CSMD1: variants seen among roughly 807,000 people sequenced by gnomAD.
CSMD1 encodes CUB and Sushi multiple domains 1, also known as CUB and sushi domain-containing protein 1.
A neutral mutation model predicts 417.5 loss-of-function variants in CSMD1; 213 were observed. The observed-to-expected ratio is 0.51, with a 90% CI of 0.46 to 0.57. The LOEUF is 0.57. Ranked by LOEUF, CSMD1 falls within the 20% of genes least tolerant of loss-of-function variation. CSMD1 has a pLI of 0.00. For synonymous variants in CSMD1, 2,862 were observed against 1,736.8 expected (o/e 1.65, Z -16.11); for missense variants, 6,923 against 4,529.7 (o/e 1.53, Z -15.17).
chr8:3,083,666 T>A (rs1361126517), intron 49 of CSMD1, among the ~76,000 whole-genome samples: 60 of 85,708 alleles, frequency 7.0e-4, no homozygotes, highest in East Asian at 2.0e-3. Context: ...TTTTTTTTTT[T>A]TTTTTTTTTT....
At chr8:3,509,536 G>C (rs186689132) in intron 10 of CSMD1, among the ~76,000 whole-genome samples, 10 of 152,240 alleles carry the variant, frequency 6.6e-5, no homozygotes, top group African/African-American at 9.6e-5. Context: ...ATTCTACCAA[G>C]ATTGCCTCTA....
chr8:4,571,180 G>T (rs936134765), intron 2 of CSMD1, among the ~76,000 whole-genome samples: 4 of 152,090 alleles, frequency 2.6e-5, no homozygotes, highest in South Asian at 4.1e-4. Context: ...CTTGTCTTCT[G>T]CTAGGTTTGA....
At chr8:3,806,190 C>G (rs117003248) in intron 5 of CSMD1, among the ~76,000 whole-genome samples, 1,995 of 152,236 alleles carry the variant, frequency 0.013, 36 homozygotes, top group Non-Finnish European at 0.019. Context: ...GTCGTCCATT[C>G]AAACGCAGAG....
intron 5 of CSMD1, among the ~76,000 whole-genome samples, chr8:3,876,658 G>A (rs890837131): frequency 1.2e-4 from 19 of 152,186 alleles, no homozygotes; most frequent in African/African-American, 4.6e-4. Flanking sequence ...TGCCTGGGGT[G>A]AAGTGCAGTG....
chr8:4,216,879 T>C (rs893316347), intron 3 of CSMD1, among the ~76,000 whole-genome samples: 4 of 152,212 alleles, frequency 2.6e-5, no homozygotes, highest in African/African-American at 7.2e-5. Context: ...CTCCCTTTTT[T>C]CCTTCTTTTC....
intron 54 of CSMD1, among the ~76,000 whole-genome samples, chr8:2,990,454 A>G (rs1806279853): frequency 6.6e-6 from 1 of 152,174 alleles, no homozygotes; most frequent in African/African-American, 2.4e-5. Flanking sequence ...CCCTAAACCC[A>G]TCCCCCATTT....
intron 5 of CSMD1, among the ~76,000 whole-genome samples, chr8:3,901,126 T>C (rs190438235): frequency 4.0e-3 from 615 of 152,172 alleles, no homozygotes; most frequent in Middle Eastern, 6.8e-3. Flanking sequence ...TGGGGGAGGG[T>C]CATGAATGTA....
At chr8:3,446,442 A>T (rs1178817505) in intron 12 of CSMD1, among the ~76,000 whole-genome samples, 2 of 152,232 alleles carry the variant, frequency 1.3e-5, no homozygotes, top group Admixed American at 1.3e-4. Flanking sequence ...AAACTCAGTT[A>T]TGATTCCTAC....
rs893266163 is a variant in CSMD1 at position 4,145,789 on chromosome 8, A to G, written c.416-113690T>C. Among the ~76,000 whole-genome samples, 2 of 151,134 alleles carry G rather than the reference A, an allele frequency of 1.3e-5. 1 individual carries two copies. The highest frequency in any genetic ancestry group is 4.9e-5 in the African/African-American group (2 of 40,446). On this transcript the variant is annotated intron_variant, in intron 3 of 69. Transcript: ENST00000635120. ...GGTTCTGCGTCAGCTCGCACCATGA[A>G]GAGTTTTTCTGTATGAGGAATGCAA... is the stretch of plus-strand genomic sequence containing the variant.
At chr8:3,831,898 G>A (rs764842479) in intron 5 of CSMD1, among the ~76,000 whole-genome samples, 3 of 152,098 alleles carry the variant, frequency 2.0e-5, no homozygotes, top group Non-Finnish European at 2.9e-5. Context: ...TGGTAACCCA[G>A]AAATATCAAG....
intron 3 of CSMD1, among the ~76,000 whole-genome samples, chr8:4,337,847 T>C (rs1477685814): frequency 6.6e-6 from 1 of 152,184 alleles, no homozygotes; most frequent in African/African-American, 2.4e-5. Flanking sequence ...TCTTGTTCCT[T>C]CGTAAAGACT....
intron 37 of CSMD1, among the ~76,000 whole-genome samples, chr8:3,180,643 T>A (rs1352714805): frequency 6.6e-6 from 1 of 152,166 alleles, no homozygotes; most frequent in Non-Finnish European, 1.5e-5. Flanking sequence ...TTTGTTTGTT[T>A]GTTTGTTTTT....
chr8:3,746,488 A>G (rs1187385333), intron 6 of CSMD1, among the ~76,000 whole-genome samples: 1 of 152,188 alleles, frequency 6.6e-6, no homozygotes. Context: ...ATGCATTAAT[A>G]TTTCAGAGAC....
At chr8:4,516,229 G>C (rs930867059) in intron 2 of CSMD1, among the ~76,000 whole-genome samples, 3 of 152,128 alleles carry the variant, frequency 2.0e-5, no homozygotes, top group African/African-American at 7.2e-5. Flanking sequence ...GACCACGTGA[G>C]GACCCAGAGA....
chr8:3,926,061 C>T (rs1331505603), intron 5 of CSMD1, among the ~76,000 whole-genome samples: 2 of 138,504 alleles, frequency 1.4e-5, no homozygotes, highest in African/African-American at 5.7e-5. Context: ...TATACACACA[C>T]ACACACACAC....
At chr8:4,843,807 A>G (rs746119426) in intron 1 of CSMD1, among the ~76,000 whole-genome samples, 1 of 152,242 alleles carries the variant, frequency 6.6e-6, no homozygotes, top group Non-Finnish European at 1.5e-5. Flanking sequence ...GATACAACGT[A>G]AAATAGAATC....
At chr8:4,540,718 C>G (rs1452772887) in intron 2 of CSMD1, among the ~76,000 whole-genome samples, 3 of 152,206 alleles carry the variant, frequency 2.0e-5, no homozygotes, top group Admixed American at 1.3e-4. Context: ...GGATGCTTAC[C>G]AAGTGTCTAA....
chr8:4,325,988 G>A (rs1003654796), intron 3 of CSMD1, among the ~76,000 whole-genome samples: 1 of 151,994 alleles, frequency 6.6e-6, no homozygotes, highest in African/African-American at 2.4e-5. Flanking sequence ...CTTCACCTGG[G>A]GTACGAACTC....
chr8:3,075,995 G>C (rs188794251), intron 49 of CSMD1, among the ~76,000 whole-genome samples: 59 of 151,410 alleles, frequency 3.9e-4, no homozygotes, highest in African/African-American at 1.3e-3. Context: ...AGCTTGCAGT[G>C]AGCCGAGATC....
Sources: allele counts gnomAD v4.1 joint callset (sites outside exome capture counted in the v4.1 genomes callset), GRCh38; gene constraint gnomAD v4.1.1; transcripts MANE v1.5; gene names NCBI Gene and HGNC (gene_info 2026-07-23, HGNC 2026-07-21).